RANBP2: variants seen among roughly 807,000 people sequenced by gnomAD.
RANBP2 encodes the protein RAN binding protein 2, also known as E3 SUMO-protein ligase RanBP2.
A neutral mutation model predicts 303.6 loss-of-function variants in RANBP2; 57 were observed. The observed-to-expected ratio is 0.19, with a 90% CI of 0.15 to 0.23. The LOEUF (loss-of-function observed/expected upper bound fraction) is 0.23. Among genes scored for constraint, RANBP2 ranks in the 10% least tolerant of loss-of-function variants. The probability of loss-of-function intolerance (pLI) is 1.00; values close to 1 mark genes in which losing one functional copy is unlikely to be tolerated. For missense variants in RANBP2, 3,138 were observed against 3,780.8 expected (o/e 0.83, Z 4.46); for synonymous variants, 1,167 against 1,301.5 (o/e 0.90, Z 2.23).
At chr2:108,960,851 C>A in the RANBP2 span, among the ~76,000 whole-genome samples, 1 of 152,184 alleles carries the variant, frequency 6.6e-6, no homozygotes, top group South Asian at 2.1e-4. Context: ...TTGAAATATT[C>A]TTCAGGAACA....
chr2:109,129,996 C>CG, the RANBP2 span: 1 of 1,294,074 alleles, frequency 7.7e-7, no homozygotes, highest in South Asian at 2.4e-5. Flanking sequence ...TCGCGGGCGG[C>CG]GGGGGCGGCG....
the RANBP2 span, among the ~76,000 whole-genome samples, chr2:108,800,466 T>C: frequency 8.0e-3 from 1,219 of 152,188 alleles, 22 homozygotes; most frequent in African/African-American, 0.027. Flanking sequence ...GGTTTCACCA[T>C]GTTGGTCAGG....
chr2:109,009,675 ACCACTACG>A, the RANBP2 span, among the ~76,000 whole-genome samples: 38 of 147,448 alleles, frequency 2.6e-4, no homozygotes, highest in Non-Finnish European at 4.7e-4. Context: ...ACAGGCATGT[ACCACTACG>A]CCTGGCTGAC....
chr2:109,553,878 T>C, the RANBP2 span, among the ~76,000 whole-genome samples: 1 of 150,936 alleles, frequency 6.6e-6, no homozygotes, highest in Non-Finnish European at 1.5e-5. Flanking sequence ...AGTGATACAA[T>C]AAACTTTCAA....
the RANBP2 span, among the ~76,000 whole-genome samples, chr2:108,868,879 C>G: frequency 6.6e-6 from 1 of 151,968 alleles, no homozygotes; most frequent in Middle Eastern, 3.2e-3. Context: ...TGAATTGGTT[C>G]CATGAAGTGC....
chr2:108,954,528 A>G, the RANBP2 span, among the ~76,000 whole-genome samples: 3 of 152,108 alleles, frequency 2.0e-5, no homozygotes, highest in Non-Finnish European at 4.4e-5. Flanking sequence ...TGTGAGCCAC[A>G]TGCTTTGCTC....
At chr2:109,499,602 C>T in the RANBP2 span, among the ~76,000 whole-genome samples, 2 of 152,160 alleles carry the variant, frequency 1.3e-5, no homozygotes, top group East Asian at 1.9e-4. Context: ...CCCTGCCTGT[C>T]AGACTCTAAG....
At chr2:108,974,350 A>G in the RANBP2 span, among the ~76,000 whole-genome samples, 5 of 151,144 alleles carry the variant, frequency 3.3e-5, no homozygotes, top group African/African-American at 7.3e-5. Flanking sequence ...AAAAAAAAAA[A>G]AAAAGAAATG....
the RANBP2 span, among the ~76,000 whole-genome samples, chr2:109,396,075 G>A: frequency 6.6e-6 from 1 of 152,206 alleles, no homozygotes; most frequent in African/African-American, 2.4e-5. Context: ...ATGCCAGTGA[G>A]TGAGACGAAT....
chr2:109,076,928 T>C, the RANBP2 span, among the ~76,000 whole-genome samples: 2 of 150,456 alleles, frequency 1.3e-5, no homozygotes, highest in East Asian at 1.9e-4. Context: ...AGATCCTGAA[T>C]AGCTAAGGCA....
chr2:108,982,902 C>T, the RANBP2 span, among the ~76,000 whole-genome samples: 5 of 152,214 alleles, frequency 3.3e-5, no homozygotes, highest in Admixed American at 1.3e-4. Flanking sequence ...CCAGACAGGC[C>T]AGGTGCCTGC....
the RANBP2 span, among the ~76,000 whole-genome samples, chr2:109,384,404 C>CCTT: frequency 6.6e-6 from 1 of 152,010 alleles, no homozygotes; most frequent in Non-Finnish European, 1.5e-5. Flanking sequence ...GGGAAAGCGG[C>CCTT]CTTCGGGGAG....
the RANBP2 span, among the ~76,000 whole-genome samples, chr2:108,818,740 A>G: frequency 2.0e-5 from 3 of 151,830 alleles, no homozygotes; most frequent in African/African-American, 7.2e-5. Context: ...CAAGCATTTT[A>G]TTTATTCTAA....
intron 2 of RANBP2, 132 bp from the exon 3 acceptor site, chr2:108,730,642 T>C: frequency 7.8e-7 from 1 of 1,279,576 alleles, no homozygotes; most frequent in Non-Finnish European, 1.1e-6. Context: ...GTTATCTGTA[T>C]GAATAGCGGT....
the RANBP2 span, among the ~76,000 whole-genome samples, chr2:109,103,927 G>A: frequency 1.1e-4 from 16 of 151,766 alleles, no homozygotes; most frequent in Non-Finnish European, 2.2e-4. Flanking sequence ...CAAAGTAGCT[G>A]GGACTACAGG....
chr2:109,005,703 G>C, the RANBP2 span, among the ~76,000 whole-genome samples: 1 of 152,138 alleles, frequency 6.6e-6, no homozygotes, highest in African/African-American at 2.4e-5. Context: ...GTTCCACCTC[G>C]AGGAGCCCAG....
At chr2:109,117,620 G>A in the RANBP2 span, among the ~76,000 whole-genome samples, 24 of 152,292 alleles carry the variant, frequency 1.6e-4, no homozygotes, top group East Asian at 9.7e-4. Flanking sequence ...GCTTCAGCTC[G>A]CGCACGGTGC....
the RANBP2 span, among the ~76,000 whole-genome samples, chr2:109,458,017 G>T: frequency 3.9e-5 from 6 of 152,144 alleles, no homozygotes; most frequent in African/African-American, 1.4e-4. Flanking sequence ...TATTTGTTGT[G>T]GTTTTATTTT....
At chr2:109,640,114 A>G in the RANBP2 span, among the ~76,000 whole-genome samples, 1 of 151,028 alleles carries the variant, frequency 6.6e-6, no homozygotes, top group South Asian at 2.1e-4. Context: ...TTTTTCTGAA[A>G]GCATGCACTA....
Sources: gnomAD v4.1 joint callset for allele counts (sites outside exome capture counted in the v4.1 genomes callset) on GRCh38, gnomAD v4.1.1 for gene constraint, MANE v1.5 for transcripts, NCBI Gene and HGNC (gene_info 2026-07-23, HGNC 2026-07-21) for gene names.